The following SYBU variants were observed in gnomAD, a reference collection of about 807,000 sequenced individuals.
The protein encoded by SYBU is syntabulin.
In SYBU, 21 loss-of-function variants were observed where a neutral mutation model predicts 35.9. The observed-to-expected ratio is 0.58, with a 90% CI of 0.41 to 0.84. The LOEUF (loss-of-function observed/expected upper bound fraction) is 0.84. SYBU is among the 40% of genes least tolerant of loss of function. SYBU has a pLI of 0.00. For synonymous variants in SYBU, 319 were observed against 324.3 expected (o/e 0.98, Z 0.18); for missense variants, 768 against 848.2 (o/e 0.91, Z 1.17).
intron 2 of SYBU, among the ~76,000 whole-genome samples, chr8:109,625,255 T>C (rs1812862300): frequency 6.6e-6 from 1 of 152,220 alleles, no homozygotes; most frequent in Admixed American, 6.5e-5. Flanking sequence ...AGGAATATCC[T>C]GCTATCATTT....
chr8:109,635,651 T>G (rs754884491), intron 2 of SYBU, among the ~76,000 whole-genome samples: 8 of 152,196 alleles, frequency 5.3e-5, no homozygotes, highest in Non-Finnish European at 1.2e-4. Flanking sequence ...ATCCTTCCCC[T>G]TCACCTTCCA....
chr8:109,643,002 T>C, intron 1 of SYBU, 70 bp from the exon 2 acceptor site: 2 of 1,455,074 alleles, frequency 1.4e-6, no homozygotes, highest in Non-Finnish European at 1.8e-6. Flanking sequence ...TGTCGGTTCC[T>C]TCAAGGATCA....
At chr8:109,618,428 A>C (rs11992637) in intron 3 of SYBU, among the ~76,000 whole-genome samples, 14,177 of 152,198 alleles carry the variant, frequency 0.093, 787 homozygotes, top group South Asian at 0.23. Context: ...ATTTGCATCA[A>C]GATAACTCCC....
intron 2 of SYBU, among the ~76,000 whole-genome samples, chr8:109,633,343 C>T (rs977116350): frequency 6.6e-6 from 1 of 152,108 alleles, no homozygotes; most frequent in Non-Finnish European, 1.5e-5. Context: ...AGGCAGAGCT[C>T]AGAGAAAATC....
intron 1 of SYBU, among the ~76,000 whole-genome samples, chr8:109,675,931 C>T (rs1033571153): frequency 2.6e-5 from 4 of 152,196 alleles, no homozygotes; most frequent in Non-Finnish European, 5.9e-5. Context: ...CATTGAAAAG[C>T]TTATCCACCA....
chr8:109,644,577 C>G, intron 1 of SYBU, 59 bp downstream of exon 1: 1 of 1,526,278 alleles, frequency 6.6e-7, no homozygotes, highest in East Asian at 2.5e-5. Context: ...CGCCGCTTCT[C>G]GCCCCGCAGT....
intron 2 of SYBU, among the ~76,000 whole-genome samples, chr8:109,624,461 T>C (rs759652429): frequency 4.6e-5 from 7 of 152,188 alleles, no homozygotes; most frequent in African/African-American, 7.2e-5. Context: ...AATAGAAAAT[T>C]GCTATTTTGC....
chr8:109,636,459 T>C (rs1308499430), intron 2 of SYBU, among the ~76,000 whole-genome samples: 1 of 152,226 alleles, frequency 6.6e-6, no homozygotes, highest in Non-Finnish European at 1.5e-5. Flanking sequence ...TTGATTTTTC[T>C]AATCCCTGTG....
chr8:109,658,401 G>C (rs144697291), intron 1 of SYBU, among the ~76,000 whole-genome samples: 1 of 152,308 alleles, frequency 6.6e-6, no homozygotes, highest in African/African-American at 2.4e-5. Flanking sequence ...AATTCACGAA[G>C]ACAAACTGGG....
At chr8:109,671,426 T>G (rs1489526061) in intron 1 of SYBU, among the ~76,000 whole-genome samples, 1 of 152,188 alleles carries the variant, frequency 6.6e-6, no homozygotes. Context: ...AGAGCCTTTT[T>G]CAGTGGGGGC....
intron 1 of SYBU, among the ~76,000 whole-genome samples, chr8:109,656,358 C>T (rs1816355826): frequency 6.6e-6 from 1 of 152,112 alleles, no homozygotes; most frequent in Non-Finnish European, 1.5e-5. Flanking sequence ...TCTGTGTACA[C>T]TAATGTCAGC....
At chr8:109,629,866 G>T (rs1039483697) in intron 2 of SYBU, among the ~76,000 whole-genome samples, 2 of 152,076 alleles carry the variant, frequency 1.3e-5, no homozygotes, top group Non-Finnish European at 2.9e-5. Context: ...ATCTCACTGT[G>T]GTTTTGATTT....
At chr8:109,603,741 C>T (rs952718941) in intron 3 of SYBU, among the ~76,000 whole-genome samples, 11 of 152,092 alleles carry the variant, frequency 7.2e-5, no homozygotes, top group African/African-American at 2.7e-4. Flanking sequence ...TTTGAAAATA[C>T]CCCCCAACAT....
intron 3 of SYBU, among the ~76,000 whole-genome samples, chr8:109,588,704 A>AC (rs1285983549): frequency 4.0e-5 from 6 of 151,700 alleles, no homozygotes; most frequent in South Asian, 2.1e-4. Flanking sequence ...ACCTAATCAC[A>AC]CCCCCCGCCC....
chr8:109,617,088 A>T (rs548870696), intron 3 of SYBU, among the ~76,000 whole-genome samples: 1 of 152,242 alleles, frequency 6.6e-6, no homozygotes, highest in South Asian at 2.1e-4. Context: ...GTGAGCCAAG[A>T]TCGCACCACT....
At chr8:109,653,592 A>C (rs1256039616) in intron 1 of SYBU, among the ~76,000 whole-genome samples, 1 of 152,194 alleles carries the variant, frequency 6.6e-6, no homozygotes, top group Non-Finnish European at 1.5e-5. Context: ...TTTCACCTGC[A>C]GTGGGCCTCA....
intron 2 of SYBU, among the ~76,000 whole-genome samples, chr8:109,621,307 T>A (rs1171879280): frequency 1.3e-5 from 2 of 152,220 alleles, no homozygotes. Context: ...GGTTAAAATT[T>A]GAGAACTGAA....
At chr8:109,578,059 C>T in intron 5 of SYBU, 42 bp from the exon 6 acceptor site, 3 of 1,578,600 alleles carry the variant, frequency 1.9e-6, no homozygotes, top group Middle Eastern at 1.9e-4. Flanking sequence ...TTTGCCGTTT[C>T]CTTTTCTATA....
intron 2 of SYBU, among the ~76,000 whole-genome samples, chr8:109,640,956 C>T (rs1814806821): frequency 6.6e-6 from 1 of 151,952 alleles, no homozygotes; most frequent in South Asian, 2.1e-4. Flanking sequence ...AGCTGTGAGC[C>T]CTAAATGCAG....
Sources: allele counts gnomAD v4.1 joint callset (sites outside exome capture counted in the v4.1 genomes callset), GRCh38; gene constraint gnomAD v4.1.1; transcripts MANE v1.5; gene names NCBI Gene and HGNC (gene_info 2026-07-23, HGNC 2026-07-21).